Variants in MLPH observed in about 807,000 individuals in gnomAD.
MLPH encodes the protein melanophilin.
Under a neutral mutation model 72.1 loss-of-function variants are expected in MLPH, and 51 were observed. The ratio of observed to expected loss-of-function variants is 0.71; its 90% CI spans 0.56 to 0.89. The LOEUF (loss-of-function observed/expected upper bound fraction) is 0.89. Among genes scored for constraint, MLPH ranks in the 40% least tolerant of loss-of-function variants. The pLI, the probability that MLPH is intolerant of heterozygous loss-of-function variation, is 0.00. For missense variants in MLPH, 743 were observed against 759.9 expected (o/e 0.98, Z 0.26); for synonymous variants, 301 against 310.1 (o/e 0.97, Z 0.31).
chr2:237,518,357 G>A (rs1238410144), intron 4 of MLPH, 182 bp from the exon 5 acceptor site: 6 of 693,042 alleles, frequency 8.7e-6, no homozygotes, highest in Non-Finnish European at 1.6e-5. Flanking sequence ...GGGGATGGGT[G>A]GATTGGTAGA....
Position 237,510,952 on chromosome 2 carries a change from C to G in MLPH, c.333-37C>G. 2 of 1,584,372 alleles carry G rather than the reference C, an allele frequency of 1.3e-6. No homozygotes were observed. The highest frequency in any genetic ancestry group is 2.2e-5 in the South Asian group (2 of 90,318). ...GATTTATGCAGGCCTGTGTACAGCA[C>G]TCAGGCAGTGCCATGAGCCTGTGCT... is the stretch of plus-strand genomic sequence containing the variant. On this transcript the variant is annotated intron_variant, in intron 3 of 15. Transcript: ENST00000264605. The surrounding 1 kb of genome is among the most constrained non-coding windows in gnomAD (Gnocchi z 4.4).
Position 237,520,014 on chromosome 2 carries a change from C to T in MLPH, c.660C>T (p.Ala220=), listed in dbSNP as rs1026362135. ...TGCACCTGTCCTCAGTCCCTGAGGCCAGGGACAGCCCACAGGTCAGTGGGT... is the reference window on the plus strand; with the variant it reads ...TGCACCTGTCCTCAGTCCCTGAGGCTAGGGACAGCCCACAGGTCAGTGGGT... ...HSLHLSSVPE[A]RDSPQSLTDE... Residue 220 remains alanine (A), a synonymous_variant, in exon 6 of 16, where the codon GCC becomes GCT. Coordinates refer to ENST00000264605, the MANE Select transcript of MLPH (RefSeq NM_024101.7). 2 of 1,613,938 alleles carry T rather than the reference C, an allele frequency of 1.2e-6. No homozygotes were observed.
intron 1 of MLPH, among the ~76,000 whole-genome samples, chr2:237,492,803 C>T (rs1048490819): frequency 6.6e-6 from 1 of 152,236 alleles, no homozygotes; most frequent in Admixed American, 6.5e-5. Flanking sequence ...AAACAGCCCC[C>T]CACGCCCAGA....
In MLPH at chr2:237,493,401, A is replaced by G; in HGVS notation, c.-24-2A>G. The G allele has an allele frequency of 6.3e-7, 1 of 1,577,932 alleles. No individual in the cohort carries two copies. The highest frequency in any genetic ancestry group is 1.7e-5 in the Admixed American group (1 of 59,958). On this transcript the variant is annotated splice_acceptor_variant, in intron 1 of 15. Coordinates refer to ENST00000264605, the MANE Select transcript of MLPH (RefSeq NM_024101.7). LOFTEE classifies it low-confidence loss of function (5UTR_SPLICE). ...ATGACTTGTGATCCTGTGACATTCC[A>G]GGTGTGACCCCGACAAGAAGCAGAA...
intron 8 of MLPH, among the ~76,000 whole-genome samples, chr2:237,529,505 T>C (rs542684207): frequency 1.3e-5 from 2 of 152,344 alleles, no homozygotes; most frequent in Middle Eastern, 3.4e-3. Context: ...GATGATTCTG[T>C]TGAGTCAGCT....
chr2:237,525,570 G>A, intron 6 of MLPH, 31 bp from the exon 7 acceptor site: 1 of 1,609,760 alleles, frequency 6.2e-7, no homozygotes, highest in South Asian at 1.1e-5. Flanking sequence ...AGTAAACCCT[G>A]CAGAGGAGGC....
chr2:237,515,853 A>AG (rs1173074038), intron 4 of MLPH, among the ~76,000 whole-genome samples: 3 of 152,176 alleles, frequency 2.0e-5, no homozygotes, highest in Non-Finnish European at 4.4e-5. Context: ...AGCCACAGGA[A>AG]GGGGAACATT....
chr2:237,545,777 A>G (rs1425928754), intron 12 of MLPH: 3 of 570,838 alleles, frequency 5.3e-6, no homozygotes, highest in African/African-American at 4.0e-5. Context: ...CGGAAAATAC[A>G]GGATGCCCAG....
At chr2:237,506,408 T>C (rs1297941899) in intron 2 of MLPH, among the ~76,000 whole-genome samples, 1 of 152,180 alleles carries the variant, frequency 6.6e-6, no homozygotes, top group African/African-American at 2.4e-5. Flanking sequence ...CACCGAATTG[T>C]AGAAGGAAAG....
At chr2:237,553,070 T>C (rs964339877) in intron 15 of MLPH, 1 of 467,866 alleles carries the variant, frequency 2.1e-6, no homozygotes, top group Non-Finnish European at 4.5e-6. Flanking sequence ...AGTTTTCCCA[T>C]TGGTTACTTG....
At chr2:237,513,024 T>G (rs1011117334) in intron 4 of MLPH, among the ~76,000 whole-genome samples, 3 of 146,892 alleles carry the variant, frequency 2.0e-5, no homozygotes, top group Non-Finnish European at 4.5e-5. Context: ...GCTGCATTCC[T>G]CCCTGCTGGA....
At chr2:237,511,471 A>G (rs1000924212) in intron 4 of MLPH, 8 of 257,742 alleles carry the variant, frequency 3.1e-5, no homozygotes, top group Non-Finnish European at 6.1e-5. Context: ...TGGTCTGAGC[A>G]CCTCAGAAGT....
In MLPH at chr2:237,511,031, G is replaced by A. The variant is rs1460506713; in HGVS notation, c.375G>A (p.Val125=). 9.3e-6 allele frequency: 15 copies of A among 1,613,874 alleles called. No individual in the cohort carries two copies. Among genetic ancestry groups the A allele is most frequent in the Non-Finnish European group, 1.3e-5 (15 of 1,180,010 alleles). Residue 125 remains valine (V), a synonymous_variant, in exon 4 of 16, where the codon GTG becomes GTA. Coordinates refer to ENST00000264605, the MANE Select transcript of MLPH (RefSeq NM_024101.7). ...IGSLEWYYEH[V]KARFKRFGSA... Reference sequence around the variant, plus strand: ...CACTGGAGTGGTACTATGAGCATGTGAAAGCCCGCTTCAAGAGGTTCGGAA... The same window carrying A: ...CACTGGAGTGGTACTATGAGCATGTAAAAGCCCGCTTCAAGAGGTTCGGAA...
At chr2:237,509,476 G>A (rs1233811971) in intron 2 of MLPH, among the ~76,000 whole-genome samples, 3 of 152,226 alleles carry the variant, frequency 2.0e-5, no homozygotes, top group Admixed American at 6.5e-5. Context: ...AGCTGGCAAG[G>A]GTGGAAATGG....
At chr2:237,513,102 TA>T (rs57193032) in intron 4 of MLPH, among the ~76,000 whole-genome samples, 1,440 of 137,918 alleles carry the variant, frequency 0.01, 5 homozygotes, top group Middle Eastern at 0.011. Context: ...GCTGTGCCTT[TA>T]AAAAAAAAAA....
chr2:237,488,015 T>TG (rs1295373916), intron 1 of MLPH, among the ~76,000 whole-genome samples: 1 of 152,124 alleles, frequency 6.6e-6, no homozygotes, highest in Non-Finnish European at 1.5e-5. Flanking sequence ...TGTGAGCACC[T>TG]GTGGGCTTCG....
intron 2 of MLPH, among the ~76,000 whole-genome samples, chr2:237,508,256 T>C (rs1435994390): frequency 1.3e-5 from 2 of 152,022 alleles, no homozygotes; most frequent in Non-Finnish European, 2.9e-5. Flanking sequence ...GGATTACAGG[T>C]GTCCACCACT....
intron 4 of MLPH, among the ~76,000 whole-genome samples, chr2:237,513,969 T>C (rs1204265181): frequency 6.6e-6 from 1 of 152,134 alleles, no homozygotes; most frequent in African/African-American, 2.4e-5. Context: ...GGACAAAAGA[T>C]TTAGAAATGT....
At position 237,546,618 on chromosome 2, in the gene MLPH, C is replaced by G. The variant is rs560560352; in HGVS notation, c.1552C>G (p.Arg518Gly). ...CTTTGCCCTCCAGATATTTCTCCCT[C>G]GAGTGGCTGGGAAACTTGGCAAGAG... ...RKSNLPIFLP[R>G]VAGKLGKRPE... The change falls in exon 13 of 16, where the codon CGA (arginine) becomes GGA (glycine). Residue 518 changes from arginine (R) to glycine (G), a missense_variant. Coordinates refer to ENST00000264605, the MANE Select transcript of MLPH (RefSeq NM_024101.7). The G allele has an allele frequency of 7.9e-5, 128 of 1,614,094 alleles. 2 individuals carry two copies. The South Asian group carries it at 1.3e-3, about 17-fold the overall frequency.
Sources: allele counts gnomAD v4.1 joint callset (sites outside exome capture counted in the v4.1 genomes callset), GRCh38; gene constraint gnomAD v4.1.1; non-coding constraint Gnocchi (gnomAD v3.1); transcripts MANE v1.5; gene names NCBI Gene and HGNC (gene_info 2026-07-23, HGNC 2026-07-21).